The following RAB11FIP4 variants were observed in gnomAD, a reference collection of about 807,000 sequenced individuals.
RAB11FIP4 encodes the protein rab11 family-interacting protein 4.
In RAB11FIP4, 23 loss-of-function variants were observed where a neutral mutation model predicts 74.3. The ratio of observed to expected loss-of-function variants is 0.31; its 90% CI spans 0.22 to 0.44. The LOEUF (loss-of-function observed/expected upper bound fraction) is 0.44, where lower values mean the gene tolerates loss of function less well. Ranked by LOEUF, RAB11FIP4 falls within the 20% of genes least tolerant of loss-of-function variation. The pLI is 1.00. For missense variants in RAB11FIP4, 630 were observed against 863.9 expected (o/e 0.73, Z 3.39); for synonymous variants, 360 against 359.9 (o/e 1.00, Z 0.00).
At chr17:31,524,961 C>T in intron 9 of RAB11FIP4, 129 bp from the exon 10 acceptor site, 1 of 1,083,588 alleles carries the variant, frequency 9.2e-7, no homozygotes, top group South Asian at 1.4e-5. Context: ...CTGAAAGCTA[C>T]TGGCCCACAC....
intron 3 of RAB11FIP4, among the ~76,000 whole-genome samples, chr17:31,466,615 G>A (rs931661192): frequency 6.6e-6 from 1 of 152,172 alleles, no homozygotes; most frequent in Admixed American, 6.5e-5. Flanking sequence ...CTGCCTGGGC[G>A]TCTACCGCCT....
Position 31,528,788 on chromosome 17 carries a change from G to T in RAB11FIP4, c.1653+10G>T. ...CAAGCGGCTCAAGCAGGTGGGTCTA[G>T]CAGTCTCTGTGTCCAGTGGGGCAGG... On this transcript the variant is annotated intron_variant, in intron 13 of 14. Coordinates refer to ENST00000621161, the MANE Select transcript of RAB11FIP4 (RefSeq NM_032932.6). The T allele has an allele frequency of 6.2e-7, 1 of 1,602,846 alleles. No homozygotes were observed. Among genetic ancestry groups the T allele is most frequent in the South Asian group, 1.1e-5 (1 of 90,564 alleles).
Position 31,527,907 on chromosome 17 carries a change from CAG to C in RAB11FIP4, c.1344_1345del (p.Lys449ThrfsTer3). On this transcript the variant is annotated frameshift_variant, in exon 11 of 15. Coordinates refer to ENST00000621161, the MANE Select transcript of RAB11FIP4 (RefSeq NM_032932.6). LOFTEE classifies it high-confidence loss of function. ...ACAGTGACTCGGCTCAAGTCTCAAA[CAG>C]AGAAACTGGATGAGGTGAGCAGCAG... is the stretch of plus-strand genomic sequence containing the variant. 1 of 1,600,494 alleles carries C rather than the reference CAG, an allele frequency of 6.2e-7. No homozygotes were observed. Among genetic ancestry groups the C allele is most frequent in the Non-Finnish European group, 8.5e-7 (1 of 1,173,792 alleles).
At chr17:31,422,747 T>C (rs2071211708) in intron 1 of RAB11FIP4, among the ~76,000 whole-genome samples, 1 of 152,158 alleles carries the variant, frequency 6.6e-6, no homozygotes, top group Non-Finnish European at 1.5e-5. Context: ...TCCATTTGGT[T>C]CCTTTTTTCT....
intron 3 of RAB11FIP4, among the ~76,000 whole-genome samples, chr17:31,504,162 G>T (rs1440179721): frequency 7.3e-6 from 1 of 137,176 alleles, no homozygotes; most frequent in African/African-American, 3.1e-5. Context: ...ACATTGTCTC[G>T]CTCTGTCACC....
At chr17:31,446,197 C>G (rs2071462542) in intron 3 of RAB11FIP4, among the ~76,000 whole-genome samples, 1 of 151,858 alleles carries the variant, frequency 6.6e-6, no homozygotes. Flanking sequence ...GAGGAGGGGG[C>G]CAGGAGGGGA....
chr17:31,485,937 T>A (rs541986220), intron 3 of RAB11FIP4, among the ~76,000 whole-genome samples: 8 of 152,182 alleles, frequency 5.3e-5, no homozygotes, highest in African/African-American at 1.9e-4. Context: ...ATTTTTTTTT[T>A]AAATAGAGAC....
At chr17:31,452,973 AT>A (rs2071540070) in intron 3 of RAB11FIP4, among the ~76,000 whole-genome samples, 1 of 152,150 alleles carries the variant, frequency 6.6e-6, no homozygotes, top group Admixed American at 6.5e-5. Context: ...ACTGGGAGGC[AT>A]TACCGAGAGG....
intron 3 of RAB11FIP4, among the ~76,000 whole-genome samples, chr17:31,459,478 G>A (rs535366406): frequency 4.1e-5 from 6 of 146,294 alleles, no homozygotes; most frequent in Admixed American, 1.4e-4. Context: ...GTTCCGGTGA[G>A]CGTTTTATTA....
At chr17:31,488,214 C>A in intron 3 of RAB11FIP4, 1 of 1,127,140 alleles carries the variant, frequency 8.9e-7, no homozygotes, top group Non-Finnish European at 1.1e-6. Context: ...CCGCTGGCTT[C>A]CGCGCCTCTG....
At chr17:31,488,544 A>G in intron 3 of RAB11FIP4, 1 of 214,180 alleles carries the variant, frequency 4.7e-6, no homozygotes, top group Non-Finnish European at 8.8e-6. Context: ...GGCGGGCCCC[A>G]CCTCCGGCCG....
At chr17:31,505,439 T>TTATATATTAATATATAATTATTATATA (rs1555548737) in intron 3 of RAB11FIP4, among the ~76,000 whole-genome samples, 3 of 91,284 alleles carry the variant, frequency 3.3e-5, no homozygotes, top group Non-Finnish European at 6.0e-5. Context: ...ATAATTATTA[T>TTATATATTAATATATAATTATTATATA]ATAATATATA....
chr17:31,497,461 A>G (rs1036404483), intron 3 of RAB11FIP4, among the ~76,000 whole-genome samples: 3 of 151,892 alleles, frequency 2.0e-5, no homozygotes, highest in African/African-American at 7.3e-5. Context: ...CAGACGGAGG[A>G]GTTCTGGGCA....
At chr17:31,450,115 CTG>C (rs2071510527) in intron 3 of RAB11FIP4, among the ~76,000 whole-genome samples, 3 of 152,054 alleles carry the variant, frequency 2.0e-5, no homozygotes, top group Admixed American at 2.0e-4. Context: ...AACTGTAACT[CTG>C]TACTTTTAAC....
chr17:31,528,308 C>A, intron 11 of RAB11FIP4, 98 bp from the exon 12 acceptor site: 1 of 1,390,598 alleles, frequency 7.2e-7, no homozygotes, highest in Non-Finnish European at 9.7e-7. Flanking sequence ...TGTGCATCTG[C>A]CTCGTGAAGA....
intron 14 of RAB11FIP4, among the ~76,000 whole-genome samples, chr17:31,530,790 C>T (rs953620411): frequency 2.0e-5 from 3 of 152,196 alleles, no homozygotes; most frequent in Admixed American, 1.3e-4. Context: ...ATCACTCCCG[C>T]TCTTCCCAGT....
At chr17:31,428,478 T>C (rs1045124171) in intron 1 of RAB11FIP4, among the ~76,000 whole-genome samples, 2 of 152,172 alleles carry the variant, frequency 1.3e-5, no homozygotes, top group African/African-American at 4.8e-5. Flanking sequence ...CAGCCCAGCC[T>C]GAGCAGATTC....
chr17:31,478,416 T>C (rs970252189), intron 3 of RAB11FIP4, among the ~76,000 whole-genome samples: 1 of 152,166 alleles, frequency 6.6e-6, no homozygotes, highest in Non-Finnish European at 1.5e-5. Flanking sequence ...AAATGTTAAA[T>C]AAGAAGGGTC....
chr17:31,405,401 G>C (rs948731533), intron 1 of RAB11FIP4, among the ~76,000 whole-genome samples: 2 of 151,422 alleles, frequency 1.3e-5, no homozygotes, highest in African/African-American at 2.4e-5. Context: ...ACGGAGTCTC[G>C]CTCTGTCGCC....
Sources: allele counts gnomAD v4.1 joint callset (sites outside exome capture counted in the v4.1 genomes callset), GRCh38; gene constraint gnomAD v4.1.1; transcripts MANE v1.5; gene names NCBI Gene and HGNC (gene_info 2026-07-23, HGNC 2026-07-21).